Variants in ATRX observed in about 807,000 individuals in gnomAD.
ATRX encodes the protein chromatin remodeler ATRX.
A neutral mutation model predicts 172.6 loss-of-function variants in ATRX; 12 were observed. The ratio of observed to expected loss-of-function variants is 0.07; its 90% CI spans 0.04 to 0.11. The LOEUF (loss-of-function observed/expected upper bound fraction) is 0.11, where lower values mean the gene tolerates loss of function less well. ATRX is among the 10% of genes least tolerant of loss of function. The pLI, the probability that ATRX is intolerant of heterozygous loss-of-function variation, is 1.00. For missense variants in ATRX, 1,368 were observed against 1,767.4 expected (o/e 0.77, Z 4.05); for synonymous variants, 674 against 594.7 (o/e 1.13, Z -1.94).
intron 1 of ATRX, among the ~76,000 whole-genome samples, chrX:77,748,810 C>A (rs2075192764): frequency 9.0e-6 from 1 of 110,652 alleles, no homozygotes; most frequent in South Asian, 3.8e-4. Flanking sequence ...TGGTCTCGAA[C>A]TCCTGACCTC....
chrX:77,761,534 CTCAA>C (rs1208311473), intron 1 of ATRX, among the ~76,000 whole-genome samples: 2 of 110,994 alleles, frequency 1.8e-5, no homozygotes, highest in Admixed American at 9.7e-5. Flanking sequence ...GAGACCCTGT[CTCAA>C]TCAATCAATC....
chrX:77,667,309 G>C (rs2070307851), intron 10 of ATRX, among the ~76,000 whole-genome samples: 1 of 105,646 alleles, frequency 9.5e-6, no homozygotes, highest in Non-Finnish European at 2.0e-5. Flanking sequence ...GTGTGTGTGT[G>C]TGTGTGTGTG....
At position 77,655,094 on chromosome X, in the gene ATRX, T is replaced by C. The variant is rs1263481082; in HGVS notation, c.4215-894A>G. ...GAGGTTCCTAGAGTAGTAAAATTCA[T>C]AGAGACAGAAAATAGAATGGTGGTT... On this transcript the variant is annotated intron_variant, in intron 13 of 34. Coordinates refer to ENST00000373344, the MANE Select transcript of ATRX (RefSeq NM_000489.6). Among the ~76,000 whole-genome samples the C allele has an allele frequency of 3.6e-5, 4 of 110,963 alleles. No individual in the cohort carries two copies. The Admixed American group carries it at 3.8e-4, about 11-fold the overall frequency.
At chrX:77,723,053 G>A (rs2073855827) in intron 1 of ATRX, among the ~76,000 whole-genome samples, 1 of 111,709 alleles carries the variant, frequency 9.0e-6, no homozygotes, top group Non-Finnish European at 1.9e-5. Flanking sequence ...CATGGATGGA[G>A]CTGGAAACCA....
intron 1 of ATRX, among the ~76,000 whole-genome samples, chrX:77,720,839 A>G (rs1603273051): frequency 8.9e-6 from 1 of 111,858 alleles, no homozygotes; most frequent in African/African-American, 3.3e-5. Flanking sequence ...GGCCAGCATC[A>G]TCCTGATACC....
chrX:77,572,196 C>G (rs2065439828), intron 28 of ATRX, among the ~76,000 whole-genome samples: 1 of 111,065 alleles, frequency 9.0e-6, no homozygotes, highest in Admixed American at 9.6e-5. Context: ...TATACATGTA[C>G]AGGTTGAACA....
At chrX:77,621,002 C>T (rs1446597505) in intron 19 of ATRX, among the ~76,000 whole-genome samples, 1 of 111,608 alleles carries the variant, frequency 9.0e-6, no homozygotes, top group African/African-American at 3.3e-5. Flanking sequence ...CACAACAGAC[C>T]ATATAATACT....
chrX:77,631,110 G>C (rs1179444873), intron 19 of ATRX, among the ~76,000 whole-genome samples: 2 of 107,405 alleles, frequency 1.9e-5, no homozygotes, highest in Non-Finnish European at 3.8e-5. Flanking sequence ...AAGTAATAAA[G>C]TGCTCAAAGC....
At chrX:77,708,857 A>G (rs1401620596) in intron 2 of ATRX, among the ~76,000 whole-genome samples, 3 of 111,830 alleles carry the variant, frequency 2.7e-5, no homozygotes, top group Non-Finnish European at 5.6e-5. Context: ...TGAATTTTAT[A>G]CTTTAAATGG....
chrX:77,691,742 A>G (rs2148664132), intron 6 of ATRX, among the ~76,000 whole-genome samples: 1 of 111,763 alleles, frequency 8.9e-6, no homozygotes, highest in South Asian at 3.7e-4. Context: ...TCAATTTGGA[A>G]CCAGCTTTCT....
At chrX:77,706,867 C>G (rs2072854104) in intron 2 of ATRX, among the ~76,000 whole-genome samples, 1 of 111,915 alleles carries the variant, frequency 8.9e-6, no homozygotes, top group South Asian at 3.7e-4. Context: ...GATCTTGCCA[C>G]TGCACCCCAG....
intron 1 of ATRX, among the ~76,000 whole-genome samples, chrX:77,768,258 T>A (rs1187821922): frequency 3.6e-5 from 4 of 112,116 alleles, no homozygotes; most frequent in Non-Finnish European, 7.5e-5. Flanking sequence ...ACACCACTGT[T>A]AATTTATCAT....
At position 77,509,146 on chromosome X, in the gene ATRX, G is replaced by A. The variant is rs184835228; in HGVS notation, c.7201-517C>T. On this transcript the variant is annotated intron_variant, in intron 34 of 34. Transcript: ENST00000373344. ...AGAAATAGATTCCCTGGTGTCAAGCGTAGAAATTTCCAAGTATAAGGCAGA... is the reference window on the plus strand; with the variant it reads ...AGAAATAGATTCCCTGGTGTCAAGCATAGAAATTTCCAAGTATAAGGCAGA... Among the ~76,000 whole-genome samples the A allele has an allele frequency of 1.1e-4, 12 of 111,644 alleles. No individual in the cohort carries two copies. The South Asian group carries it at 1.5e-3, about 14-fold the overall frequency.
At position 77,685,049 on chromosome X, in the gene ATRX, A is replaced by G. The variant is rs782072325; in HGVS notation, c.595-43T>C. The G allele has an allele frequency of 1.4e-4, 140 of 1,002,535 alleles. No individual in the cohort carries two copies. In the East Asian group the frequency reaches 3.4e-3, roughly 24 times the overall value. 82.6% of individuals were successfully genotyped at this position (1,002,535 alleles called of 1,213,427 possible). A position where few individuals can be genotyped will look rare whatever the true frequency, so the allele number is the denominator to read the frequency against. On this transcript the variant is annotated intron_variant, in intron 7 of 34. Coordinates refer to ENST00000373344, the MANE Select transcript of ATRX (RefSeq NM_000489.6). The stretch of plus-strand genomic sequence containing the variant: ...GAAGGGGAAATTTAATTCGAAATTG[A>G]TAACATTCATAAAGGACAAAAACTT...
chrX:77,785,794 C>T, intron 1 of ATRX, 188 bp downstream of exon 1: 1 of 249,342 alleles, frequency 4.0e-6, no homozygotes, highest in Non-Finnish European at 5.1e-6. Flanking sequence ...ACCCCATCCC[C>T]ACCCCCACCC....
intron 1 of ATRX, among the ~76,000 whole-genome samples, chrX:77,727,630 A>G (rs1168814323): frequency 6.8e-5 from 7 of 103,222 alleles, no homozygotes; most frequent in African/African-American, 2.5e-4. Context: ...GAGTTGAACA[A>G]TGAGAACATA....
chrX:77,681,684 G>A lies in ATRX; in HGVS notation c.3572C>T (p.Thr1191Ile), dbSNP rs2148569833. Residue 1191 changes from threonine (T) to isoleucine (I), a missense_variant, in exon 9 of 35, where the codon ACA becomes ATA. Thr to Ile is a moderately conservative substitution (Grantham distance 89, BLOSUM62 -1). Around this residue, in one of 17 missense-constraint regions of ATRX, gnomAD observed 843 missense variants for 643.1 expected, o/e 1.31. Coordinates refer to ENST00000373344, the MANE Select transcript of ATRX (RefSeq NM_000489.6). ...GTCAGCTTGCTTCCTTTTAGTGCTT[G>A]TTCTTAGGGAGTTTCTCTTTTTCTC... Reference protein sequence around the residue: ...VKEKKRNSLRTSTKRKQADIT... With the variant: ...VKEKKRNSLRISTKRKQADIT... 2.5e-6 allele frequency: 3 copies of A among 1,208,471 alleles called. No individual in the cohort carries two copies. Among genetic ancestry groups the A allele is most frequent in the Non-Finnish European group, 2.2e-6 (2 of 894,630 alleles).
intron 22 of ATRX, among the ~76,000 whole-genome samples, chrX:77,612,136 A>G (rs1410798858): frequency 9.0e-6 from 1 of 110,678 alleles, no homozygotes; most frequent in Non-Finnish European, 1.9e-5. Flanking sequence ...ACCCCTTACC[A>G]AAGAAAAAAA....
At chrX:77,677,979 G>C (rs969086855) in intron 9 of ATRX, among the ~76,000 whole-genome samples, 3 of 111,153 alleles carry the variant, frequency 2.7e-5, no homozygotes, top group African/African-American at 9.8e-5. Context: ...GGCTGAGGCA[G>C]GCGGATCACT....
Sources: allele counts gnomAD v4.1 joint callset (sites outside exome capture counted in the v4.1 genomes callset), GRCh38; gene constraint gnomAD v4.1.1; regional missense constraint gnomAD v4.1.1; transcripts MANE v1.5; gene names NCBI Gene and HGNC (gene_info 2026-07-23, HGNC 2026-07-21).